Variants in ALDH2 observed in about 807,000 individuals in gnomAD.
ALDH2 encodes aldehyde dehydrogenase 2 family member.
A neutral mutation model predicts 59.6 loss-of-function variants in ALDH2; 44 were observed. The ratio of observed to expected loss-of-function variants is 0.74; its 90% CI spans 0.58 to 0.95. ALDH2 has a LOEUF of 0.95. Among genes scored for constraint, ALDH2 ranks in the 40% least tolerant of loss-of-function variants. The pLI is 0.00. For synonymous variants in ALDH2, 291 were observed against 284.0 expected, an observed-to-expected ratio of 1.02 and a Z score of -0.25; for missense variants, 570 against 696.3, an observed-to-expected ratio of 0.82 and a Z score of 2.04.
chr12:111,778,619 G>T (rs1189504804), intron 1 of ALDH2, among the ~76,000 whole-genome samples: 8 of 151,070 alleles, frequency 5.3e-5, no homozygotes, highest in African/African-American at 1.7e-4. Flanking sequence ...GGATCACGAG[G>T]TCAGGAGATT....
At chr12:111,769,204 G>A (rs964969943) in intron 1 of ALDH2, among the ~76,000 whole-genome samples, 1 of 152,118 alleles carries the variant, frequency 6.6e-6, no homozygotes, top group Admixed American at 6.6e-5. Context: ...GACTTTTTGA[G>A]ATCATTAAAG....
Position 111,785,345 on chromosome 12 carries a change from C to T in ALDH2, c.439C>T (p.Arg147Trp), listed in dbSNP as rs751931265. Residue 147 changes from arginine to tryptophan, a missense_variant and splice_region_variant, in exon 4 of 13, where the codon CGG (arginine) becomes TGG (tryptophan). By Grantham distance (101) the Arg-to-Trp change is moderately radical. Coordinates refer to ENST00000261733, the MANE Select transcript of ALDH2 (RefSeq NM_000690.4). ...VDLDMVLKCLRYYAGWADKYH... is the reference protein window; with the variant it reads ...VDLDMVLKCLWYYAGWADKYH... ...TTTGGACATGGTCCTCAAATGTCTC[C>T]GGTATGGGCTCAGCTTTCCTGTTCT... The T allele has an allele frequency of 1.4e-5, 22 of 1,612,466 alleles. No homozygotes were observed. Among genetic ancestry groups the T allele is most frequent in the Admixed American group, 6.7e-5 (4 of 59,980 alleles).
intron 1 of ALDH2, among the ~76,000 whole-genome samples, chr12:111,777,870 G>A (rs1234903158): frequency 1.3e-5 from 2 of 152,092 alleles, no homozygotes; most frequent in Admixed American, 1.3e-4. Flanking sequence ...AAAAATTAAC[G>A]ATTGACTAAC....
intron 1 of ALDH2, 35 bp downstream of exon 1, chr12:111,767,131 C>T (rs2068165014): frequency 7.0e-7 from 1 of 1,432,032 alleles, no homozygotes; most frequent in Non-Finnish European, 9.1e-7. Flanking sequence ...CTTTGTTTTC[C>T]GGCCCGAGTC....
rs144098591 is a variant in ALDH2, at chr12:111,812,138, G to A, written c.*2563G>A. 1 of 152,276 alleles carries A rather than the reference G, an allele frequency of 6.6e-6. No individual in the cohort carries two copies. The highest frequency in any genetic ancestry group is 1.5e-5 in the Non-Finnish European group (1 of 68,168). The allele number at this position is 152,276 out of a possible 1,614,324, so 9.4% of individuals were successfully genotyped here. On this transcript the variant is annotated 3_prime_UTR_variant, in exon 13 of 13. Coordinates refer to ENST00000261733, the MANE Select transcript of ALDH2 (RefSeq NM_000690.4). ...TATTTCTGCGTATCAGAGACTTTTA[G>A]TACTTTCACTAATTTTGCTACTGTT...
intron 6 of ALDH2, 78 bp downstream of exon 6, chr12:111,790,640 A>G (rs2068350684): frequency 6.3e-7 from 1 of 1,583,336 alleles, no homozygotes; most frequent in East Asian, 2.2e-5. Context: ...GAAGGGTCTC[A>G]GGGGTCCCTA....
chr12:111,788,241 G>A (rs767206615), intron 4 of ALDH2, among the ~76,000 whole-genome samples: 6 of 151,984 alleles, frequency 3.9e-5, no homozygotes, highest in Non-Finnish European at 7.4e-5. Flanking sequence ...GAAAACAGTC[G>A]GTATCCTTCA....
intron 11 of ALDH2, among the ~76,000 whole-genome samples, chr12:111,802,627 T>A (rs1415198882): frequency 6.6e-6 from 1 of 151,262 alleles, no homozygotes; most frequent in African/African-American, 2.4e-5. Context: ...ACACCTGTAA[T>A]CCCAGCACTT....
At chr12:111,799,822 G>T in intron 10 of ALDH2, 84 bp from the exon 11 acceptor site, 1 of 1,470,434 alleles carries the variant, frequency 6.8e-7, no homozygotes. Flanking sequence ...CCCCCAATCT[G>T]GAATCATCTG....
chr12:111,785,413 TAAA>T, intron 4 of ALDH2, 67 bp downstream of exon 4: 14 of 1,414,282 alleles, frequency 9.9e-6, no homozygotes, highest in Non-Finnish European at 1.4e-5. Flanking sequence ...TGTTAGGAGG[TAAA>T]AATTAAATTA....
At chr12:111,778,094 A>C (rs2068246298) in intron 1 of ALDH2, among the ~76,000 whole-genome samples, 1 of 152,118 alleles carries the variant, frequency 6.6e-6, no homozygotes, top group African/African-American at 2.4e-5. Context: ...TGCCATCGTC[A>C]TGGCGTTGGG....
chr12:111,796,524 G>A (rs2068405505), intron 9 of ALDH2, among the ~76,000 whole-genome samples: 1 of 152,064 alleles, frequency 6.6e-6, no homozygotes, highest in Non-Finnish European at 1.5e-5. Context: ...GGTATTTAAT[G>A]TAAAAAATAA....
At chr12:111,767,325 C>T (rs2068166652) in intron 1 of ALDH2, among the ~76,000 whole-genome samples, 1 of 152,188 alleles carries the variant, frequency 6.6e-6, no homozygotes, top group African/African-American at 2.4e-5. Flanking sequence ...GCCCCCTCTC[C>T]GTCTTCGCCC....
At chr12:111,783,116 C>G (rs757929413) in intron 2 of ALDH2, 42 bp from the exon 3 acceptor site, 1 of 1,589,898 alleles carries the variant, frequency 6.3e-7, no homozygotes, top group East Asian at 2.3e-5. Flanking sequence ...CTGAGAAGAC[C>G]TGAGTTTTCC....
chr12:111,809,652 C>T lies in ALDH2; in HGVS notation c.*77C>T. On this transcript the variant is annotated 3_prime_UTR_variant, in exon 13 of 13. Coordinates refer to ENST00000261733, the MANE Select transcript of ALDH2 (RefSeq NM_000690.4). ...AGCAACAAAACCAAGAAAAATGATCCTTGCGTGCTGAATATCTGAAAAGAG... is the reference window on the plus strand; with the variant it reads ...AGCAACAAAACCAAGAAAAATGATCTTTGCGTGCTGAATATCTGAAAAGAG... 1 of 1,513,624 alleles carries T rather than the reference C, an allele frequency of 6.6e-7. No individual in the cohort carries two copies. The allele number at this position is 1,513,624 out of a possible 1,614,324, so 93.8% of individuals were successfully genotyped here. A position where few individuals can be genotyped will look rare whatever the true frequency, so the allele number is the denominator to read the frequency against.
At chr12:111,777,328 G>C (rs2068240863) in intron 1 of ALDH2, among the ~76,000 whole-genome samples, 1 of 152,186 alleles carries the variant, frequency 6.6e-6, no homozygotes, top group Non-Finnish European at 1.5e-5. Flanking sequence ...TTCTTGAGGG[G>C]TAGCTAGTGA....
Position 111,816,064 on chromosome 12 carries a change from G to A in ALDH2, c.*6489G>A, listed in dbSNP as rs1362725738. 6.6e-6 allele frequency: 1 copy of A among 152,204 alleles called. No homozygotes were observed. The highest frequency in any genetic ancestry group is 1.9e-4 in the East Asian group (1 of 5,200). 9.4% of individuals were successfully genotyped at this position (152,204 alleles called of 1,614,324 possible). On this transcript the variant is annotated 3_prime_UTR_variant, in exon 13 of 13. Coordinates refer to ENST00000261733, the MANE Select transcript of ALDH2 (RefSeq NM_000690.4). The stretch of plus-strand genomic sequence containing the variant: ...TTCAGTGTTGGAGGTGGGGCAAGGT[G>A]TGAGGTGTTAGGATCATGGGGGTGG...
At position 111,792,025 on chromosome 12, in the gene ALDH2, C is replaced by T. The variant is rs763918388; in HGVS notation, c.796-36C>T. The stretch of plus-strand genomic sequence containing the variant: ...AGAGTGCTGGACTCTTTTCTCCCGG[C>T]ACTGAGAGCTTGTTCCTGTCTTTCT... On this transcript the variant is annotated intron_variant, in intron 7 of 12. Transcript: ENST00000261733. The T allele has an allele frequency of 6.6e-6, 9 of 1,366,306 alleles. No homozygotes were observed. In the African/African-American group the frequency reaches 1.3e-4, roughly 20 times the overall value. 84.6% of individuals were successfully genotyped at this position (1,366,306 alleles called of 1,614,324 possible).
intron 10 of ALDH2, among the ~76,000 whole-genome samples, chr12:111,799,227 C>T (rs1318940021): frequency 6.6e-6 from 1 of 150,406 alleles, no homozygotes; most frequent in East Asian, 2.0e-4. Flanking sequence ...TGCAGTGGTG[C>T]AATCTCAGCT....
Sources: allele counts gnomAD v4.1 joint callset (sites outside exome capture counted in the v4.1 genomes callset), GRCh38; gene constraint gnomAD v4.1.1; transcripts MANE v1.5; gene names NCBI Gene and HGNC (gene_info 2026-07-23, HGNC 2026-07-21).